Variants in CDCP2 observed in about 807,000 individuals in gnomAD.
CDCP2 encodes the protein CUB domain containing protein 2.
CDCP2 carries 31 observed loss-of-function variants against 31.0 expected under a neutral mutation model. The observed-to-expected ratio is 1.00, with a 90% confidence interval of 0.75 to 1.35. The LOEUF is 1.35. CDCP2 is among the 40% of genes most tolerant of loss of function. The pLI, the probability that CDCP2 is intolerant of heterozygous loss-of-function variation, is 0.00. For missense variants in CDCP2, 443 were observed against 482.6 expected, an observed-to-expected ratio of 0.92 and a Z score of 0.77; for synonymous variants, 206 against 207.9, an observed-to-expected ratio of 0.99 and a Z score of 0.08.
chr1:54,150,923 C>G (rs1364703595), intron 1 of CDCP2, among the ~76,000 whole-genome samples: 1 of 152,200 alleles, frequency 6.6e-6, no homozygotes, highest in Non-Finnish European at 1.5e-5. Context: ...AAATGGGCCC[C>G]TCTGTGGGAA....
At chr1:54,133,692 C>T (rs533739211) in intron 5 of CDCP2, among the ~76,000 whole-genome samples, 8 of 152,060 alleles carry the variant, frequency 5.3e-5, no homozygotes, top group South Asian at 2.1e-4. Context: ...GTCAGGAGAT[C>T]GAGACCATCC....
intron 5 of CDCP2, among the ~76,000 whole-genome samples, chr1:54,136,024 C>G (rs2100418698): frequency 6.6e-6 from 1 of 152,282 alleles, no homozygotes; most frequent in East Asian, 1.9e-4. Context: ...GGCCCTAAGT[C>G]TGGGTTCACG....
At chr1:54,144,767 G>C (rs376730169) in exon 2 of CDCP2, 72 of 1,613,910 alleles carry the variant, frequency 4.5e-5, no homozygotes, top group Non-Finnish European at 5.7e-5. Context: ...AGTTGGGGCT[G>C]GAGAAGTTTC....
exon 4 of CDCP2, chr1:54,139,978 A>G (rs1445144304): frequency 6.2e-7 from 1 of 1,614,126 alleles, no homozygotes; most frequent in South Asian, 1.1e-5. Context: ...TCCAGGAAGA[A>G]CACCTTGACC....
In CDCP2 at chr1:54,133,311, T is replaced by A; in HGVS notation, c.1297-17A>T. The A allele has an allele frequency of 2.5e-6, 1 of 399,018 alleles. No homozygotes were observed. Among genetic ancestry groups the A allele is most frequent in the South Asian group, 1.3e-4 (1 of 7,844 alleles). 24.7% of individuals were successfully genotyped at this position (399,018 alleles called of 1,614,324 possible). On this transcript the variant is annotated splice_polypyrimidine_tract_variant and intron_variant, in intron 5 of 5. Coordinates refer to ENST00000530059, the Ensembl canonical transcript of CDCP2. ...GTTTCTTCTCTGTGGGGTCACAGGG[T>A]ACTCATCACACCTGAAGGAGCTTGG...
At chr1:54,143,717 C>T (rs1489802381) in intron 2 of CDCP2, 2 of 152,184 alleles carry the variant, frequency 1.3e-5, no homozygotes, top group Non-Finnish European at 1.5e-5. Flanking sequence ...CTGTGGGTGT[C>T]TACTGTTTGA....
At chr1:54,141,119 A>T in exon 3 of CDCP2, 1 of 1,535,256 alleles carries the variant, frequency 6.5e-7, no homozygotes, top group Admixed American at 2.1e-5. Context: ...TAGGCCTTGA[A>T]GCCACGGCCT....
rs759359747 is a variant in CDCP2 at position 54,152,903 on chromosome 1, G to GC, written c.19dup (p.Ala7GlyfsTer42). The GC allele has an allele frequency of 6.2e-6, 10 of 1,614,068 alleles. No individual in the cohort carries two copies. The highest frequency in any genetic ancestry group is 5.0e-5 in the Admixed American group (3 of 60,000). On this transcript the variant is annotated frameshift_variant, in exon 1 of 6. Transcript: ENST00000530059. LOFTEE classifies it high-confidence loss of function. ...CAGTGCCACTGCCAGCAGCAGGCAA[G>GC]CCCCCCACTCTGCCAGCATCTCCTC...
intron 1 of CDCP2, among the ~76,000 whole-genome samples, chr1:54,149,328 A>G (rs1298012072): frequency 1.3e-5 from 2 of 151,900 alleles, no homozygotes; most frequent in East Asian, 3.8e-4. Context: ...ACACATTCTG[A>G]CATATTTATG....
At chr1:54,140,619 G>A (rs139278093) in intron 3 of CDCP2, 107 of 200,296 alleles carry the variant, frequency 5.3e-4, no homozygotes, top group African/African-American at 2.3e-3. Flanking sequence ...TCTTCTCCAC[G>A]AAGTCATCCA....
At chr1:54,134,895 C>A (rs1258677614) in intron 5 of CDCP2, among the ~76,000 whole-genome samples, 5 of 152,014 alleles carry the variant, frequency 3.3e-5, no homozygotes, top group Admixed American at 3.3e-4. Context: ...ACCGCCATGC[C>A]CAGCTAATTG....
chr1:54,146,799 G>A (rs1399047685), intron 1 of CDCP2, among the ~76,000 whole-genome samples: 1 of 151,764 alleles, frequency 6.6e-6, no homozygotes, highest in Admixed American at 6.6e-5. Context: ...TGTGTGGAAA[G>A]ACACAGAAAC....
intron 5 of CDCP2, among the ~76,000 whole-genome samples, chr1:54,136,241 G>T (rs149087491): frequency 6.6e-6 from 1 of 152,294 alleles, no homozygotes; most frequent in Non-Finnish European, 1.5e-5. Context: ...TCCTTGGGGA[G>T]CACTGAAGGG....
At position 54,149,518 on chromosome 1, in the gene CDCP2, A is replaced by G. The variant is rs558442872; in HGVS notation, c.79+3326T>C. Among the ~76,000 whole-genome samples the G allele has an allele frequency of 3.7e-4, 57 of 152,314 alleles. 1 individual carries two copies. The highest frequency in any genetic ancestry group is 1.3e-3 in the African/African-American group (56 of 41,568). On this transcript the variant is annotated intron_variant, in intron 1 of 5. Transcript: ENST00000530059. ...GCTTTGCGTGTGTTTGAAATTTTTCATAATTAAAAGTCAACAAAATAACCA... is the reference window on the plus strand; with the variant it reads ...GCTTTGCGTGTGTTTGAAATTTTTCGTAATTAAAAGTCAACAAAATAACCA...
intron 1 of CDCP2, among the ~76,000 whole-genome samples, chr1:54,149,099 A>T (rs1659530473): frequency 6.7e-6 from 1 of 150,306 alleles, no homozygotes; most frequent in South Asian, 2.1e-4. Context: ...GGAGTGATGG[A>T]GTGCTCCTGA....
intron 1 of CDCP2, among the ~76,000 whole-genome samples, chr1:54,146,628 T>C (rs1481114210): frequency 6.6e-6 from 1 of 152,002 alleles, no homozygotes; most frequent in East Asian, 1.9e-4. Flanking sequence ...AGTAGCATTT[T>C]ACACCTCTAG....
At chr1:54,150,081 A>G (rs1443002730) in intron 1 of CDCP2, among the ~76,000 whole-genome samples, 1 of 152,050 alleles carries the variant, frequency 6.6e-6, no homozygotes, top group African/African-American at 2.4e-5. Flanking sequence ...CCAGGGGTGG[A>G]CGCCTGACTC....
chr1:54,144,078 G>A (rs554106264), intron 2 of CDCP2: 1 of 173,890 alleles, frequency 5.8e-6, no homozygotes, highest in African/African-American at 2.4e-5. Context: ...GGGTAGTAGA[G>A]CATGAGAGCC....
intron 1 of CDCP2, among the ~76,000 whole-genome samples, chr1:54,150,496 G>A (rs757262876): frequency 1.3e-5 from 2 of 152,060 alleles, no homozygotes; most frequent in Non-Finnish European, 2.9e-5. Flanking sequence ...TCAGGAGGCT[G>A]AGACAGGAGA....
Sources: gnomAD v4.1 joint callset for allele counts (sites outside exome capture counted in the v4.1 genomes callset) on GRCh38, gnomAD v4.1.1 for gene constraint, MANE v1.5 for transcripts, NCBI Gene and HGNC (gene_info 2026-07-23, HGNC 2026-07-21) for gene names.